Variants in PALM observed in about 807,000 individuals in gnomAD.
The protein encoded by PALM is paralemmin-1.
A neutral mutation model predicts 30.7 loss-of-function variants in PALM; 18 were observed. The observed-to-expected ratio is 0.59, with a 90% confidence interval of 0.41 to 0.87. The LOEUF (loss-of-function observed/expected upper bound fraction) is 0.87, where lower values mean the gene tolerates loss of function less well. PALM is among the 40% of genes least tolerant of loss of function. The pLI, the probability that PALM is intolerant of heterozygous loss-of-function variation, is 0.00. For missense variants in PALM, 529 were observed against 555.4 expected (o/e 0.95, Z 0.48); for synonymous variants, 286 against 242.8 (o/e 1.18, Z -1.66).
chr19:728,024 G>A (rs1423493456), intron 4 of PALM, among the ~76,000 whole-genome samples: 1 of 94,962 alleles, frequency 1.1e-5, no homozygotes. Context: ...GCCAGCGGGG[G>A]ACGTGACGTC....
At chr19:728,778 T>C (rs932151654) in intron 4 of PALM, among the ~76,000 whole-genome samples, 1 of 151,368 alleles carries the variant, frequency 6.6e-6, no homozygotes, top group Non-Finnish European at 1.5e-5. Flanking sequence ...CCGAGGTGGG[T>C]GAATCACGAG....
intron 4 of PALM, among the ~76,000 whole-genome samples, chr19:729,849 C>T (rs924338848): frequency 1.3e-5 from 2 of 152,160 alleles, no homozygotes; most frequent in African/African-American, 4.8e-5. Flanking sequence ...GGGGCTGAGA[C>T]GGGCCTGGCC....
At chr19:741,745 C>G (rs1339017954) in intron 8 of PALM, among the ~76,000 whole-genome samples, 8 of 151,988 alleles carry the variant, frequency 5.3e-5, no homozygotes, top group African/African-American at 1.9e-4. Flanking sequence ...AGGGCTCCTC[C>G]TAGAGGTCAA....
chr19:745,349 A>C (rs755458985), intron 8 of PALM, among the ~76,000 whole-genome samples: 1 of 152,202 alleles, frequency 6.6e-6, no homozygotes, highest in Non-Finnish European at 1.5e-5. Context: ...TACAGCGGAA[A>C]TGAATCCCTA....
rs369351163 is a variant in PALM at position 736,535 on chromosome 19, G to A, written c.502+457G>A. On this transcript the variant is annotated intron_variant, in intron 7 of 8. Transcript: ENST00000338448. Reference sequence around the variant, plus strand: ...CAAGCCAGGTCCCCAGCACCGCTGCGCTTCCGAGAAGCAGGGGAAGGTGGG... The same window carrying A: ...CAAGCCAGGTCCCCAGCACCGCTGCACTTCCGAGAAGCAGGGGAAGGTGGG... Among the ~76,000 whole-genome samples, 20 of 152,306 alleles carry A rather than the reference G, an allele frequency of 1.3e-4. No homozygotes were observed. In the East Asian group the frequency reaches 2.3e-3, roughly 18 times the overall value.
chr19:731,295 G>T, intron 5 of PALM, 50 bp downstream of exon 5: 3 of 1,507,508 alleles, frequency 2.0e-6, no homozygotes, highest in South Asian at 2.5e-5. Context: ...ACTCCCGCTG[G>T]CCCCAGAGCG....
At chr19:745,432 G>A (rs150495627) in intron 8 of PALM, among the ~76,000 whole-genome samples, 3,508 of 152,282 alleles carry the variant, frequency 0.023, 136 homozygotes, top group African/African-American at 0.081. Flanking sequence ...GGTGGCTCAC[G>A]CCTGTCATCC....
chr19:734,351 G>A (rs1191615194), intron 6 of PALM, 157 bp downstream of exon 6: 4 of 665,962 alleles, frequency 6.0e-6, no homozygotes, highest in Non-Finnish European at 1.0e-5. Context: ...CCTGAGGTCA[G>A]GAGTTCGAGA....
At chr19:723,628 G>C (rs1470782846) in intron 1 of PALM, among the ~76,000 whole-genome samples, 1 of 98,916 alleles carries the variant, frequency 1.0e-5, no homozygotes, top group Admixed American at 1.3e-4. Context: ...GTCTCGCTTT[G>C]TTGCCCTGGC....
intron 5 of PALM, among the ~76,000 whole-genome samples, chr19:733,145 C>G (rs1039039210): frequency 6.6e-6 from 1 of 152,074 alleles, no homozygotes. Flanking sequence ...AGGCTGGTCT[C>G]GAACTCCTGA....
intron 2 of PALM, among the ~76,000 whole-genome samples, chr19:726,582 G>A (rs1036666190): frequency 3.9e-5 from 6 of 152,082 alleles, no homozygotes; most frequent in African/African-American, 1.2e-4. Flanking sequence ...CTCCTGTGAC[G>A]TGGCCCGATT....
Position 746,736 on chromosome 19 carries a change from G to C in PALM, c.1086G>C (p.Ala362=), listed in dbSNP as rs752701541. 6.2e-7 allele frequency: 1 copy of C among 1,601,852 alleles called. No homozygotes were observed. Among genetic ancestry groups the C allele is most frequent in the South Asian group, 1.1e-5 (1 of 89,894 alleles). ...TEAASREENQ[A]GPEATTSDPQ... ...CCGCCTCCAGGGAAGAGAATCAGGCGGGGCCCGAGGCCACCACCAGCGACC... is the reference window on the plus strand; with the variant it reads ...CCGCCTCCAGGGAAGAGAATCAGGCCGGGCCCGAGGCCACCACCAGCGACC... The change falls in exon 9 of 9, where the codon GCG becomes GCC. Residue 362 remains alanine, a synonymous_variant. Transcript: ENST00000338448. This position sits in a 1 kb window ranked among gnomAD's most constrained non-coding sequence, Gnocchi z 7.1.
intron 7 of PALM, 58 bp from the exon 8 acceptor site, chr19:740,294 C>G: frequency 1.3e-6 from 2 of 1,494,670 alleles, no homozygotes; most frequent in Non-Finnish European, 1.8e-6. Context: ...GGCCGCAGCC[C>G]GGCGGGGGGG....
At chr19:712,024 CT>C (rs3216344) in intron 1 of PALM, among the ~76,000 whole-genome samples, 12 of 145,660 alleles carry the variant, frequency 8.2e-5, no homozygotes, top group Non-Finnish European at 1.4e-4. Context: ...TCCTCTGATG[CT>C]TTTTTTTTTC....
At chr19:726,923 C>A (rs1568225006) in intron 2 of PALM, 85 bp from the exon 3 acceptor site, 2 of 732,668 alleles carry the variant, frequency 2.7e-6, no homozygotes, top group South Asian at 1.5e-5. Context: ...GAAGCAGGAT[C>A]GGGCTGGGCA....
chr19:731,004 A>G, intron 4 of PALM, 91 bp from the exon 5 acceptor site: 1 of 846,308 alleles, frequency 1.2e-6, no homozygotes, highest in Non-Finnish European at 1.8e-6. Context: ...TCTGTCTCAA[A>G]AAAAAGACAC....
At chr19:728,703 G>A (rs142483792) in intron 4 of PALM, among the ~76,000 whole-genome samples, 7 of 152,064 alleles carry the variant, frequency 4.6e-5, no homozygotes, top group Non-Finnish European at 7.4e-5. Context: ...CAGCTACTCC[G>A]GAGGCTGAGG....
At position 746,168 on chromosome 19, in the gene PALM, CTT is replaced by C; in HGVS notation, c.635-115_635-114del. 1 of 731,434 alleles carries C rather than the reference CTT, an allele frequency of 1.4e-6. No homozygotes were observed. The highest frequency in any genetic ancestry group is 2.3e-6 in the Non-Finnish European group (1 of 434,100). 45.3% of individuals were successfully genotyped at this position (731,434 alleles called of 1,614,324 possible). ...GGTGTAATCTAGTTCGTGATTTCCT[CTT>C]TAGCCTGGAGGAGGATACAAGCCTT... On this transcript the variant is annotated intron_variant, in intron 8 of 8. Transcript: ENST00000338448. This position sits in a 1 kb window ranked among gnomAD's most constrained non-coding sequence, Gnocchi z 7.1.
rs1189185155 is a variant in PALM, at chr19:742,787, G to A, written c.634+2304G>A. On this transcript the variant is annotated intron_variant, in intron 8 of 8. Transcript: ENST00000338448. This position sits in a 1 kb window ranked among gnomAD's most constrained non-coding sequence, Gnocchi z 5.5. ...CCACGGGTTGGGTGGGCCATGGTGGGTTTATCCCTTCTTCCATCTGTAGAC... is the reference window on the plus strand; with the variant it reads ...CCACGGGTTGGGTGGGCCATGGTGGATTTATCCCTTCTTCCATCTGTAGAC... Among the ~76,000 whole-genome samples the A allele has an allele frequency of 1.3e-5, 2 of 152,094 alleles. No individual in the cohort carries two copies. Among genetic ancestry groups the A allele is most frequent in the African/African-American group, 4.8e-5 (2 of 41,426 alleles).
Sources: gnomAD v4.1 joint callset for allele counts (sites outside exome capture counted in the v4.1 genomes callset) on GRCh38, gnomAD v4.1.1 for gene constraint, Gnocchi (gnomAD v3.1) non-coding constraint, MANE v1.5 for transcripts, NCBI Gene and HGNC (gene_info 2026-07-23, HGNC 2026-07-21) for gene names.